LRMDA: variants seen among roughly 807,000 people sequenced by gnomAD.
LRMDA encodes the protein leucine-rich melanocyte differentiation-associated protein.
LRMDA carries 18 observed loss-of-function variants against 29.8 expected under a neutral mutation model. The ratio of observed to expected loss-of-function variants is 0.60; its 90% CI spans 0.42 to 0.90. The LOEUF (loss-of-function observed/expected upper bound fraction) is 0.90. LRMDA is among the 40% of genes least tolerant of loss of function. The probability of loss-of-function intolerance (pLI) is 0.00; values close to 1 mark genes in which losing one functional copy is unlikely to be tolerated. For missense variants in LRMDA, 273 were observed against 273.9 expected (o/e 1.00, Z 0.02); for synonymous variants, 125 against 109.4 (o/e 1.14, Z -0.89).
chr10:76,304,943 G>C (rs966637321), intron 5 of LRMDA, among the ~76,000 whole-genome samples: 1 of 152,184 alleles, frequency 6.6e-6, no homozygotes. Flanking sequence ...CTGGGGCAGA[G>C]GGCCTTCTAG....
intron 2 of LRMDA, among the ~76,000 whole-genome samples, chr10:75,938,305 C>A (rs971179091): frequency 6.6e-6 from 1 of 152,150 alleles, no homozygotes; most frequent in Non-Finnish European, 1.5e-5. Flanking sequence ...AAATTTGCCA[C>A]GTTACCTCCT....
chr10:75,606,981 T>G (rs1159190160), intron 2 of LRMDA, among the ~76,000 whole-genome samples: 1 of 152,202 alleles, frequency 6.6e-6, no homozygotes, highest in Non-Finnish European at 1.5e-5. Context: ...ATCCCATGAA[T>G]TCAACCTAAT....
intron 5 of LRMDA, among the ~76,000 whole-genome samples, chr10:76,076,635 C>T (rs1403029981): frequency 4.6e-5 from 7 of 151,930 alleles, no homozygotes; most frequent in Admixed American, 3.9e-4. Context: ...AAAGTGAGAT[C>T]GAACTTGGGC....
At chr10:76,028,108 T>C (rs988073617) in intron 2 of LRMDA, among the ~76,000 whole-genome samples, 5 of 152,316 alleles carry the variant, frequency 3.3e-5, no homozygotes, top group African/African-American at 9.6e-5. Context: ...CATCCAGCAA[T>C]TTCACTGTCT....
chr10:76,063,469 TC>T (rs1369908812), intron 5 of LRMDA, among the ~76,000 whole-genome samples: 1 of 152,162 alleles, frequency 6.6e-6, no homozygotes, highest in Non-Finnish European at 1.5e-5. Flanking sequence ...CACCTGATTT[TC>T]CCATCGTGTA....
chr10:75,955,280 T>C (rs1041324126), intron 2 of LRMDA, among the ~76,000 whole-genome samples: 4 of 152,334 alleles, frequency 2.6e-5, no homozygotes, highest in Non-Finnish European at 5.9e-5. Context: ...GAGAAAGGAC[T>C]GAATGCTTGA....
rs1372127867 is a variant in LRMDA at position 76,245,836 on chromosome 10, A to C, written c.517-78565A>C. On this transcript the variant is annotated intron_variant, in intron 5 of 6. Coordinates refer to ENST00000611255, the MANE Select transcript of LRMDA (RefSeq NM_001305581.2). ...AGTGGAGGAGGGGAGGATGGGGATAAAGACAACTATGTATCATTCTTATTC... is the reference window on the plus strand; with the variant it reads ...AGTGGAGGAGGGGAGGATGGGGATACAGACAACTATGTATCATTCTTATTC... Among the ~76,000 whole-genome samples, 3 of 152,316 alleles carry C rather than the reference A, an allele frequency of 2.0e-5. No homozygotes were observed. In the East Asian group the frequency reaches 5.8e-4, roughly 29 times the overall value.
intron 6 of LRMDA, among the ~76,000 whole-genome samples, chr10:76,331,428 G>A (rs571299232): frequency 6.6e-6 from 1 of 152,250 alleles, no homozygotes; most frequent in South Asian, 2.1e-4. Flanking sequence ...AGTCTTTCAA[G>A]AGAGCTAAGC....
rs562480937 is a variant in LRMDA, at chr10:75,981,508, A to G, written c.132-54500A>G. 2.6e-4 allele frequency among the ~76,000 whole-genome samples: 39 copies of G among 152,314 alleles called. No homozygotes were observed. In the South Asian group the frequency reaches 3.1e-3, roughly 12 times the overall value. ...ATGCAATAGTTACTCTTCTACTGGA[A>G]TGGTTTCTTTGGCTTTGATTGGACA... On this transcript the variant is annotated intron_variant, in intron 2 of 6. Transcript: ENST00000611255.
At chr10:75,909,217 G>A (rs1244430041) in intron 2 of LRMDA, among the ~76,000 whole-genome samples, 1 of 152,128 alleles carries the variant, frequency 6.6e-6, no homozygotes, top group Non-Finnish European at 1.5e-5. Context: ...TTTAAGGGAG[G>A]AGAACCCAAA....
At chr10:75,872,253 T>C (rs1845124721) in intron 2 of LRMDA, among the ~76,000 whole-genome samples, 1 of 152,154 alleles carries the variant, frequency 6.6e-6, no homozygotes, top group Non-Finnish European at 1.5e-5. Context: ...TCATTATGTT[T>C]CCAGACATTC....
intron 2 of LRMDA, among the ~76,000 whole-genome samples, chr10:75,958,441 T>C (rs956009898): frequency 6.6e-6 from 1 of 152,044 alleles, no homozygotes; most frequent in Non-Finnish European, 1.5e-5. Flanking sequence ...TTCACAAGAG[T>C]GAATTGATCA....
chr10:76,421,002 C>A (rs1195099837), intron 6 of LRMDA, among the ~76,000 whole-genome samples: 1 of 152,112 alleles, frequency 6.6e-6, no homozygotes, highest in African/African-American at 2.4e-5. Flanking sequence ...CAGTATTCTT[C>A]ATTTGCGTGT....
intron 5 of LRMDA, among the ~76,000 whole-genome samples, chr10:76,172,937 A>T (rs1203022942): frequency 6.6e-6 from 1 of 152,230 alleles, no homozygotes; most frequent in East Asian, 1.9e-4. Context: ...GGGGAGAAAA[A>T]TTTGATCAAT....
intron 5 of LRMDA, chr10:76,318,839 G>A (rs1840732859): frequency 6.6e-6 from 1 of 152,354 alleles, no homozygotes. Context: ...TCAGAAGATG[G>A]CAAGTCTTTA....
intron 2 of LRMDA, among the ~76,000 whole-genome samples, chr10:75,715,367 A>G (rs1278214753): frequency 6.6e-6 from 1 of 152,156 alleles, no homozygotes; most frequent in Admixed American, 6.5e-5. Context: ...GTTTGCAAAG[A>G]TCAAAAACTT....
At chr10:76,286,162 A>T (rs1840268663) in intron 5 of LRMDA, among the ~76,000 whole-genome samples, 1 of 152,218 alleles carries the variant, frequency 6.6e-6, no homozygotes, top group African/African-American at 2.4e-5. Context: ...TTTTATAAAT[A>T]TCAATATTTG....
At chr10:75,440,509 T>G (rs1589145037) in intron 2 of LRMDA, among the ~76,000 whole-genome samples, 1 of 152,108 alleles carries the variant, frequency 6.6e-6, no homozygotes, top group East Asian at 1.9e-4. Flanking sequence ...TGGAGTCAGT[T>G]GCAGACCAGA....
chr10:75,708,312 T>C (rs1842394345), intron 2 of LRMDA, among the ~76,000 whole-genome samples: 1 of 152,208 alleles, frequency 6.6e-6, no homozygotes, highest in Non-Finnish European at 1.5e-5. Flanking sequence ...TCCCATTTCA[T>C]GCCAGAATAC....
Sources: allele counts gnomAD v4.1 joint callset (sites outside exome capture counted in the v4.1 genomes callset), GRCh38; gene constraint gnomAD v4.1.1; transcripts MANE v1.5; gene names NCBI Gene and HGNC (gene_info 2026-07-23, HGNC 2026-07-21).